Variants in SHD observed in about 807,000 individuals in gnomAD.
SHD encodes Src homology 2 domain containing transforming protein D.
SHD carries 29 observed loss-of-function variants against 31.2 expected under a neutral mutation model. That is an observed-to-expected ratio of 0.93 (90% confidence interval 0.69 to 1.27). The LOEUF (loss-of-function observed/expected upper bound fraction) is 1.27, where lower values mean the gene tolerates loss of function less well. Ranked by LOEUF, SHD falls within the 50% of genes most tolerant of loss-of-function variation. The pLI is 0.00. For synonymous variants in SHD, 208 were observed against 187.8 expected, an observed-to-expected ratio of 1.11 and a Z score of -0.88; for missense variants, 520 against 453.8, an observed-to-expected ratio of 1.15 and a Z score of -1.33.
chr19:4,288,457 C>T, intron 5 of SHD, 95 bp downstream of exon 5: 1 of 1,401,452 alleles, frequency 7.1e-7, no homozygotes, highest in South Asian at 1.4e-5. Flanking sequence ...GTGGCTCCCG[C>T]AGCCATAGGG....
chr19:4,280,552 A>G (rs1971247487), intron 1 of SHD, among the ~76,000 whole-genome samples, 192 bp downstream of exon 1: 1 of 152,036 alleles, frequency 6.6e-6, no homozygotes, highest in Non-Finnish European at 1.5e-5. Context: ...ATTTTGAGAC[A>G]GTCTCCCCCT....
chr19:4,279,914 A>G lies in SHD; in HGVS notation c.-150A>G. The G allele has an allele frequency of 1.1e-6, 1 of 929,454 alleles. No homozygotes were observed. Among genetic ancestry groups the G allele is most frequent in the Non-Finnish European group, 1.6e-6 (1 of 629,888 alleles). 57.6% of individuals were successfully genotyped at this position (929,454 alleles called of 1,614,324 possible). A position where few individuals can be genotyped will look rare whatever the true frequency, so the allele number is the denominator to read the frequency against. The stretch of plus-strand genomic sequence containing the variant: ...CTTTTCCTTCCCTCTATCCATCCAG[A>G]GCCCCGCCAAAGGGCGCACCTGATC... On this transcript the variant is annotated 5_prime_UTR_variant, in exon 1 of 6. Transcript: ENST00000543264. This position sits in a 1 kb window ranked among gnomAD's most constrained non-coding sequence, Gnocchi z 7.5.
intron 4 of SHD, among the ~76,000 whole-genome samples, chr19:4,287,913 C>CGTTT (rs1971337350): frequency 1.2e-5 from 1 of 80,086 alleles, no homozygotes; most frequent in Non-Finnish European, 2.4e-5. Context: ...TTTGTTTGTT[C>CGTTT]GTTTGTTTTG....
chr19:4,289,465 C>T (rs1321464810), intron 5 of SHD, among the ~76,000 whole-genome samples: 1 of 151,870 alleles, frequency 6.6e-6, no homozygotes, highest in East Asian at 1.9e-4. Flanking sequence ...AGGCTGGTCT[C>T]AAACTCCTGG....
intron 4 of SHD, among the ~76,000 whole-genome samples, chr19:4,285,755 G>A (rs1240255608): frequency 7.9e-5 from 12 of 151,398 alleles, no homozygotes; most frequent in Admixed American, 6.0e-4. Context: ...TCAGTATGTT[G>A]GCCAGGCTGG....
At chr19:4,285,546 C>A (rs1206261059) in intron 4 of SHD, among the ~76,000 whole-genome samples, 1 of 151,756 alleles carries the variant, frequency 6.6e-6, no homozygotes, top group African/African-American at 2.4e-5. Context: ...CTCTTTTTTT[C>A]TTTCTCTTCC....
intron 1 of SHD, among the ~76,000 whole-genome samples, chr19:4,282,081 G>A (rs939010460): frequency 1.3e-5 from 2 of 152,162 alleles, no homozygotes; most frequent in Non-Finnish European, 2.9e-5. Flanking sequence ...GCCGCTGTCT[G>A]CGAGCACTTT....
chr19:4,289,966 C>T (rs1029992120), intron 5 of SHD, among the ~76,000 whole-genome samples: 4 of 151,852 alleles, frequency 2.6e-5, no homozygotes, highest in African/African-American at 7.3e-5. Context: ...GCCTCTGCCT[C>T]CCAGGTTCAA....
At position 4,285,410 on chromosome 19, in the gene SHD, G is replaced by A. The variant is rs575973759; in HGVS notation, c.716+506G>A. The stretch of plus-strand genomic sequence containing the variant: ...GACTCTGTGTCCTTCCAGCCTGGGC[G>A]CTCCTTGAGGGAGTGCCCAAGTCCC... On this transcript the variant is annotated intron_variant, in intron 4 of 5. Coordinates refer to ENST00000543264, the MANE Select transcript of SHD (RefSeq NM_020209.4). Among the ~76,000 whole-genome samples the A allele has an allele frequency of 9.2e-5, 14 of 152,214 alleles. No homozygotes were observed. In the East Asian group the frequency reaches 1.9e-3, roughly 21 times the overall value.
At chr19:4,286,346 C>CTCTT (rs201332103) in intron 4 of SHD, among the ~76,000 whole-genome samples, 4 of 127,714 alleles carry the variant, frequency 3.1e-5, no homozygotes, top group African/African-American at 1.3e-4. Flanking sequence ...CTTTCTTTCT[C>CTCTT]TCTTTCTTTC....
At chr19:4,284,693 T>A in intron 3 of SHD, 88 bp from the exon 4 acceptor site, 1 of 1,368,544 alleles carries the variant, frequency 7.3e-7, no homozygotes, top group Non-Finnish European at 9.6e-7. Context: ...TGGCCCTGCC[T>A]TTCTACCGAG....
At chr19:4,288,031 A>C (rs1971338324) in intron 4 of SHD, among the ~76,000 whole-genome samples, 1 of 151,944 alleles carries the variant, frequency 6.6e-6, no homozygotes, top group Non-Finnish European at 1.5e-5. Context: ...CCTCCTGAGT[A>C]GCTGGGATTA....
At chr19:4,290,409 C>T (rs376183659) in intron 5 of SHD, 38 bp from the exon 6 acceptor site, 53 of 1,583,548 alleles carry the variant, frequency 3.3e-5, no homozygotes, top group African/African-American at 2.1e-4. Context: ...TGGGTGGGTC[C>T]GGGATGCTCA....
intron 1 of SHD, 44 bp from the exon 2 acceptor site, chr19:4,282,826 A>C (rs1369750223): frequency 1.3e-6 from 2 of 1,563,664 alleles, no homozygotes; most frequent in Non-Finnish European, 1.8e-6. Flanking sequence ...TTAGCAGGGA[A>C]GCCCCTCTGA....
In SHD at chr19:4,283,074, C is replaced by T. The variant is rs756812381; in HGVS notation, c.424C>T (p.Gln142Ter). 6.2e-7 allele frequency: 1 copy of T among 1,613,924 alleles called. No homozygotes were observed. The highest frequency in any genetic ancestry group is 1.7e-5 in the Admixed American group (1 of 59,998). ...CCTAGAACTTCCCGGCAGAGGGGTGCAGCTCTATGACACCCCTTATGAGGA... is the reference window on the plus strand; with the variant it reads ...CCTAGAACTTCCCGGCAGAGGGGTGTAGCTCTATGACACCCCTTATGAGGA... ...VMSELPGRGV[Q>*]LYDTPYEEQD... Residue 142 changes from glutamine to a stop codon, truncating the protein, a stop_gained, in exon 3 of 6, where the codon CAG (glutamine) becomes TAG (stop). Transcript: ENST00000543264. LOFTEE classifies it high-confidence loss of function.
intron 1 of SHD, among the ~76,000 whole-genome samples, chr19:4,282,235 C>A (rs1971263207): frequency 6.6e-6 from 1 of 151,998 alleles, no homozygotes; most frequent in Non-Finnish European, 1.5e-5. Flanking sequence ...GCCTGGCCAA[C>A]ATGGTGAAAC....
Position 4,280,004 on chromosome 19 carries a change from C to T in SHD, c.-60C>T. The T allele has an allele frequency of 6.7e-7, 1 of 1,489,808 alleles. No homozygotes were observed. The highest frequency in any genetic ancestry group is 1.4e-5 in the South Asian group (1 of 73,636). The allele number at this position is 1,489,808 out of a possible 1,614,324, so 92.3% of individuals were successfully genotyped here. A position where few individuals can be genotyped will look rare whatever the true frequency, so the allele number is the denominator to read the frequency against. Reference sequence around the variant, plus strand: ...CTCCTCCTCCTTGGGGAAAGGGGCCCGGAGAAGGGCATGTGGGGGCCCCTC... The same window carrying T: ...CTCCTCCTCCTTGGGGAAAGGGGCCTGGAGAAGGGCATGTGGGGGCCCCTC... On this transcript the variant is annotated 5_prime_UTR_variant, in exon 1 of 6. Transcript: ENST00000543264.
rs540779089 is a variant in SHD, at chr19:4,280,511, G to A, written c.297+151G>A. On this transcript the variant is annotated intron_variant, in intron 1 of 5. Transcript: ENST00000543264. Reference sequence around the variant, plus strand: ...CAGTCCTCCAGACCTCCACCTGCTTGGGGAAGTCTGTTCTTTTTATGTATT... The same window carrying A: ...CAGTCCTCCAGACCTCCACCTGCTTAGGGAAGTCTGTTCTTTTTATGTATT... 97 of 822,470 alleles carry A rather than the reference G, an allele frequency of 1.2e-4. No homozygotes were observed. In the African/African-American group the frequency reaches 1.6e-3, roughly 13 times the overall value. 50.9% of individuals were successfully genotyped at this position (822,470 alleles called of 1,614,324 possible).
In SHD at chr19:4,290,680, C is replaced by T; in HGVS notation, c.*47C>T. The T allele has an allele frequency of 6.6e-7, 1 of 1,517,054 alleles. No individual in the cohort carries two copies. The highest frequency in any genetic ancestry group is 2.1e-4 in the Middle Eastern group (1 of 4,844). The allele number at this position is 1,517,054 out of a possible 1,614,324, so 94.0% of individuals were successfully genotyped here. A position where few individuals can be genotyped will look rare whatever the true frequency, so the allele number is the denominator to read the frequency against. On this transcript the variant is annotated 3_prime_UTR_variant, in exon 6 of 6. Coordinates refer to ENST00000543264, the MANE Select transcript of SHD (RefSeq NM_020209.4). ...TGAGTCCTCGGGCCCAGAATCGTAT[C>T]CCAAAGCCCTCCCATGGCCTAGAAA...
Sources: allele counts gnomAD v4.1 joint callset (sites outside exome capture counted in the v4.1 genomes callset), GRCh38; gene constraint gnomAD v4.1.1; non-coding constraint Gnocchi (gnomAD v3.1); transcripts MANE v1.5; gene names NCBI Gene and HGNC (gene_info 2026-07-23, HGNC 2026-07-21).